The following CAMK1D variants were observed in gnomAD, a reference collection of about 807,000 sequenced individuals.
CAMK1D encodes calcium/calmodulin-dependent protein kinase type 1D.
In CAMK1D, 9 loss-of-function variants were observed where a neutral mutation model predicts 47.7. The observed-to-expected ratio is 0.19, with a 90% confidence interval of 0.11 to 0.33. The LOEUF (loss-of-function observed/expected upper bound fraction) is 0.33, where lower values mean the gene tolerates loss of function less well. CAMK1D is among the 10% of genes least tolerant of loss of function. The probability of loss-of-function intolerance (pLI) is 1.00; values close to 1 mark genes in which losing one functional copy is unlikely to be tolerated. For synonymous variants in CAMK1D, 184 were observed against 184.9 expected, an observed-to-expected ratio of 0.99 and a Z score of 0.04; for missense variants, 291 against 488.7, an observed-to-expected ratio of 0.60 and a Z score of 3.81.
chr10:12,751,051 AATAAG>A (rs141001552), intron 3 of CAMK1D, among the ~76,000 whole-genome samples: 5,335 of 135,916 alleles, frequency 0.039, 155 homozygotes, highest in South Asian at 0.054. Flanking sequence ...CGTCTCCCCC[AATAAG>A]ATAAGATAAG....
At chr10:12,741,910 C>T (rs1835449643) in intron 3 of CAMK1D, among the ~76,000 whole-genome samples, 1 of 152,148 alleles carries the variant, frequency 6.6e-6, no homozygotes, top group Admixed American at 6.5e-5. Context: ...ATGTGAGCTG[C>T]TCCTAGAGAG....
At chr10:12,583,002 C>T (rs990370085) in intron 2 of CAMK1D, among the ~76,000 whole-genome samples, 1 of 152,150 alleles carries the variant, frequency 6.6e-6, no homozygotes, top group Non-Finnish European at 1.5e-5. Flanking sequence ...CTTTGAGAGG[C>T]CAAGGCTGGA....
intron 1 of CAMK1D, among the ~76,000 whole-genome samples, chr10:12,366,843 G>A (rs573042636): frequency 1.8e-4 from 27 of 152,252 alleles, no homozygotes; most frequent in Middle Eastern, 3.4e-3. Context: ...GTGTGCCTGA[G>A]TCACTGTGCA....
intron 3 of CAMK1D, among the ~76,000 whole-genome samples, chr10:12,707,961 C>T (rs914584624): frequency 6.6e-6 from 1 of 152,206 alleles, no homozygotes; most frequent in African/African-American, 2.4e-5. Flanking sequence ...GGGATCCCCC[C>T]TCTGCCCGAC....
intron 1 of CAMK1D, among the ~76,000 whole-genome samples, chr10:12,522,696 C>T (rs1835463013): frequency 6.6e-6 from 1 of 151,908 alleles, no homozygotes; most frequent in Admixed American, 6.6e-5. Flanking sequence ...ATGGCCCGTT[C>T]TCAATGAGCT....
intron 8 of CAMK1D, among the ~76,000 whole-genome samples, chr10:12,817,561 T>C (rs1325850645): frequency 6.6e-6 from 1 of 152,200 alleles, no homozygotes; most frequent in East Asian, 1.9e-4. Flanking sequence ...TGTTTCCTCA[T>C]TGTTAAAATG....
At chr10:12,403,783 G>A (rs916270974) in intron 1 of CAMK1D, among the ~76,000 whole-genome samples, 2 of 151,958 alleles carry the variant, frequency 1.3e-5, no homozygotes, top group South Asian at 4.2e-4. Flanking sequence ...GAACTTCTAA[G>A]TGTGTTTTTT....
intron 1 of CAMK1D, among the ~76,000 whole-genome samples, chr10:12,536,858 T>A (rs535102163): frequency 6.6e-6 from 1 of 151,730 alleles, no homozygotes; most frequent in Admixed American, 6.6e-5. Flanking sequence ...TTAGTTAAAC[T>A]GCTACAGAGT....
At chr10:12,807,695 A>C (rs1838796566) in intron 6 of CAMK1D, among the ~76,000 whole-genome samples, 1 of 152,186 alleles carries the variant, frequency 6.6e-6, no homozygotes, top group Non-Finnish European at 1.5e-5. Context: ...CATCATCTGT[A>C]GTCCATGCTG....
chr10:12,713,123 T>G (rs912725864), intron 3 of CAMK1D, among the ~76,000 whole-genome samples: 1 of 151,570 alleles, frequency 6.6e-6, no homozygotes, highest in Non-Finnish European at 1.5e-5. Flanking sequence ...CAAGCTGGAG[T>G]GCAATGGCGC....
intron 1 of CAMK1D, among the ~76,000 whole-genome samples, chr10:12,366,807 G>A (rs1032377579): frequency 5.3e-5 from 8 of 152,090 alleles, no homozygotes; most frequent in Non-Finnish European, 1.0e-4. Flanking sequence ...AGACTCACTG[G>A]AGGTATTTCA....
At chr10:12,495,404 T>C (rs1047190183) in intron 1 of CAMK1D, among the ~76,000 whole-genome samples, 7 of 152,232 alleles carry the variant, frequency 4.6e-5, no homozygotes, top group Non-Finnish European at 7.3e-5. Flanking sequence ...CAAGGGATGT[T>C]TCCAGTTAGT....
chr10:12,710,792 T>C (rs1833908611), intron 3 of CAMK1D, among the ~76,000 whole-genome samples: 1 of 152,156 alleles, frequency 6.6e-6, no homozygotes, highest in African/African-American at 2.4e-5. Flanking sequence ...ACCTCTGGTA[T>C]ATAAACAAAG....
chr10:12,640,054 A>G (rs1839624394), intron 2 of CAMK1D, among the ~76,000 whole-genome samples: 1 of 152,214 alleles, frequency 6.6e-6, no homozygotes, highest in Non-Finnish European at 1.5e-5. Context: ...CTTTTGGAAG[A>G]CAGAAACTGA....
chr10:12,419,791 A>G (rs1839988235), intron 1 of CAMK1D, among the ~76,000 whole-genome samples: 1 of 152,180 alleles, frequency 6.6e-6, no homozygotes, highest in Non-Finnish European at 1.5e-5. Flanking sequence ...TCTTTTGTAA[A>G]TAAGTGGTTA....
intron 1 of CAMK1D, among the ~76,000 whole-genome samples, chr10:12,377,490 AG>A (rs1175595660): frequency 6.6e-6 from 1 of 152,196 alleles, no homozygotes; most frequent in African/African-American, 2.4e-5. Context: ...TCTTCCCTTA[AG>A]ATTTTTTTGT....
At chr10:12,615,316 T>G (rs748566706) in intron 2 of CAMK1D, among the ~76,000 whole-genome samples, 12 of 152,238 alleles carry the variant, frequency 7.9e-5, no homozygotes, top group Non-Finnish European at 1.3e-4. Flanking sequence ...TATATTCCAT[T>G]TCCATCTAAA....
chr10:12,448,787 C>T (rs2768451), intron 1 of CAMK1D, among the ~76,000 whole-genome samples: 14,912 of 152,158 alleles, frequency 0.098, 1,186 homozygotes, highest in African/African-American at 0.21. Context: ...CCATTCCTCC[C>T]GGTGAAAAAC....
intron 1 of CAMK1D, among the ~76,000 whole-genome samples, chr10:12,479,506 T>C (rs1834001399): frequency 6.6e-6 from 1 of 152,140 alleles, no homozygotes; most frequent in Admixed American, 6.5e-5. Flanking sequence ...AGAAGCTGCA[T>C]TTCTAACAAG....
Sources: gnomAD v4.1 joint callset for allele counts (sites outside exome capture counted in the v4.1 genomes callset) on GRCh38, gnomAD v4.1.1 for gene constraint, MANE v1.5 for transcripts, NCBI Gene and HGNC (gene_info 2026-07-23, HGNC 2026-07-21) for gene names.